Variants in RBFOX1 observed in about 807,000 individuals in gnomAD.
The protein encoded by RBFOX1 is RNA binding fox-1 homolog 1.
In RBFOX1, 8 loss-of-function variants were observed where a neutral mutation model predicts 57.7. The observed-to-expected ratio is 0.14, with a 90% CI of 0.08 to 0.25. The LOEUF (loss-of-function observed/expected upper bound fraction) is 0.25. RBFOX1 is among the 10% of genes least tolerant of loss of function. The pLI is 1.00. For missense variants in RBFOX1, 611 were observed against 548.5 expected, an observed-to-expected ratio of 1.11 and a Z score of -1.14; for synonymous variants, 326 against 222.4, an observed-to-expected ratio of 1.47 and a Z score of -4.15.
At chr16:5,358,659 A>G (rs576632839) in intron 1 of RBFOX1, among the ~76,000 whole-genome samples, 1 of 152,210 alleles carries the variant, frequency 6.6e-6, no homozygotes, top group Non-Finnish European at 1.5e-5. Flanking sequence ...CCCTGTCTCT[A>G]CTAAAAATAC....
chr16:7,341,736 TTCCC>T (rs1166119622), intron 4 of RBFOX1, among the ~76,000 whole-genome samples: 32 of 71,974 alleles, frequency 4.4e-4, no homozygotes, highest in African/African-American at 1.2e-3. Flanking sequence ...CCCTCCCTCC[TTCCC>T]TCCCTCCCTC....
chr16:7,109,972 C>G (rs1324526683), intron 4 of RBFOX1, among the ~76,000 whole-genome samples: 1 of 152,102 alleles, frequency 6.6e-6, no homozygotes, highest in Non-Finnish European at 1.5e-5. Flanking sequence ...ATTAAGGACA[C>G]TGCAGAGTAA....
intron 5 of RBFOX1, among the ~76,000 whole-genome samples, chr16:7,565,141 C>G (rs971740328): frequency 6.6e-6 from 1 of 152,142 alleles, no homozygotes; most frequent in African/African-American, 2.4e-5. Context: ...AGTTCACATT[C>G]CCTGGGCTTA....
intron 4 of RBFOX1, among the ~76,000 whole-genome samples, chr16:7,188,714 C>G (rs959321017): frequency 6.6e-6 from 1 of 152,180 alleles, no homozygotes; most frequent in Non-Finnish European, 1.5e-5. Context: ...GTCTTCATTT[C>G]TACCATATAT....
At position 6,218,785 on chromosome 16, in the gene RBFOX1, G is replaced by A. The variant is rs2097352663; in HGVS notation, c.-126-98210G>A. Among the ~76,000 whole-genome samples, 3 of 151,596 alleles carry A rather than the reference G, an allele frequency of 2.0e-5. No individual in the cohort carries two copies. In the South Asian group the frequency reaches 6.3e-4, roughly 32 times the overall value. On this transcript the variant is annotated intron_variant, in intron 1 of 15. Coordinates refer to ENST00000550418, the MANE Select transcript of RBFOX1 (RefSeq NM_018723.4). ...GTCTCCTTCTTCAGATATTTTATCTGCTAAATCCGAAGTCGGAATCTCAGT... is the reference window on the plus strand; with the variant it reads ...GTCTCCTTCTTCAGATATTTTATCTACTAAATCCGAAGTCGGAATCTCAGT...
chr16:6,500,713 C>T (rs757655952), intron 2 of RBFOX1, among the ~76,000 whole-genome samples: 22 of 151,300 alleles, frequency 1.5e-4, no homozygotes, highest in Non-Finnish European at 1.0e-4. Context: ...TGGACACTGA[C>T]ATCAACACTT....
chr16:6,676,122 T>A (rs1603348824), intron 3 of RBFOX1, among the ~76,000 whole-genome samples: 1 of 138,828 alleles, frequency 7.2e-6, no homozygotes, highest in Non-Finnish European at 1.5e-5. Flanking sequence ...GGATGCTGCC[T>A]AGGGGACACA....
chr16:5,925,649 A>T (rs2058924474), intron 4 of RBFOX1, among the ~76,000 whole-genome samples: 1 of 152,074 alleles, frequency 6.6e-6, no homozygotes, highest in Non-Finnish European at 1.5e-5. Context: ...ATTTTATGTT[A>T]TGTGTATTTT....
rs554500234 is a variant in RBFOX1, at chr16:5,804,554, G to T, written c.319-62749G>T. Among the ~76,000 whole-genome samples, 104 of 152,270 alleles carry T rather than the reference G, an allele frequency of 6.8e-4. 2 individuals carry two copies. The South Asian group carries it at 8.9e-3, about 13-fold the overall frequency. On this transcript the variant is annotated intron_variant, in intron 3 of 19. Coordinates refer to the RBFOX1 transcript ENST00000641259. ...AAACGTTGAGTGCTGTGAATTCCAG[G>T]TATGAGTTGCATTCCACCCAGATGG... is the stretch of plus-strand genomic sequence containing the variant.
intron 3 of RBFOX1, among the ~76,000 whole-genome samples, chr16:5,672,655 A>G (rs2050046146): frequency 6.6e-6 from 1 of 152,190 alleles, no homozygotes; most frequent in Non-Finnish European, 1.5e-5. Context: ...AGACTCATCC[A>G]TCTCTGATTT....
At chr16:6,844,494 C>T (rs898702591) in intron 3 of RBFOX1, among the ~76,000 whole-genome samples, 5 of 152,124 alleles carry the variant, frequency 3.3e-5, no homozygotes, top group Non-Finnish European at 7.4e-5. Context: ...CCATCTATGT[C>T]TCTGCAGAAG....
chr16:6,801,497 CAAT>C (rs1376682898), intron 3 of RBFOX1, among the ~76,000 whole-genome samples: 1 of 152,038 alleles, frequency 6.6e-6, no homozygotes, highest in Non-Finnish European at 1.5e-5. Flanking sequence ...TATAGTGACT[CAAT>C]AAAATTCTGC....
intron 3 of RBFOX1, among the ~76,000 whole-genome samples, chr16:7,043,197 C>T (rs188448293): frequency 1.3e-5 from 2 of 152,264 alleles, no homozygotes; most frequent in East Asian, 1.9e-4. Context: ...CTGATGTCTC[C>T]TCCACTGCTT....
intron 3 of RBFOX1, among the ~76,000 whole-genome samples, chr16:6,990,163 G>C (rs771368906): frequency 9.2e-5 from 14 of 152,200 alleles, no homozygotes; most frequent in Non-Finnish European, 2.1e-4. Context: ...GATTCAGTAA[G>C]TATGTGTTGA....
chr16:7,710,182 A>G, intron 15 of RBFOX1: 1 of 1,023,420 alleles, frequency 9.8e-7, no homozygotes, highest in Non-Finnish European at 1.2e-6. Context: ...GAGCCAAGTT[A>G]AGTAAGAAGT....
intron 14 of RBFOX1, among the ~76,000 whole-genome samples, chr16:7,708,822 G>GTGTATA (rs1568607744): frequency 7.2e-5 from 11 of 151,948 alleles, no homozygotes; most frequent in South Asian, 2.1e-4. Context: ...ATGTAAGTAC[G>GTGTATA]TGTGTATATA....
intron 4 of RBFOX1, among the ~76,000 whole-genome samples, chr16:5,965,029 G>T (rs1213961791): frequency 6.6e-6 from 1 of 152,110 alleles, no homozygotes; most frequent in Non-Finnish European, 1.5e-5. Context: ...AAGTAAGCCA[G>T]ATACAGAAAG....
At chr16:7,503,125 G>C (rs1457968308) in intron 4 of RBFOX1, among the ~76,000 whole-genome samples, 1 of 152,142 alleles carries the variant, frequency 6.6e-6, no homozygotes, top group Non-Finnish European at 1.5e-5. Flanking sequence ...CTCTTCACTA[G>C]AACATTCTGT....
At chr16:7,622,778 A>C (rs925411601) in intron 10 of RBFOX1, among the ~76,000 whole-genome samples, 1 of 152,238 alleles carries the variant, frequency 6.6e-6, no homozygotes, top group Admixed American at 6.5e-5. Flanking sequence ...GTAAACATAC[A>C]GAGCAACATT....
Sources: allele counts gnomAD v4.1 joint callset (sites outside exome capture counted in the v4.1 genomes callset), GRCh38; gene constraint gnomAD v4.1.1; transcripts MANE v1.5; gene names NCBI Gene and HGNC (gene_info 2026-07-23, HGNC 2026-07-21).